Variants in GALM observed in about 807,000 individuals in gnomAD.
GALM encodes the protein galactose mutarotase.
A neutral mutation model predicts 37.4 loss-of-function variants in GALM; 43 were observed. That is an observed-to-expected ratio of 1.15 (90% CI 0.90 to 1.48). The LOEUF (loss-of-function observed/expected upper bound fraction) is 1.48, where lower values mean the gene tolerates loss of function less well. Among genes scored for constraint, GALM ranks in the 40% most tolerant of loss-of-function variants. GALM has a pLI of 0.00. For missense variants in GALM, 456 were observed against 419.1 expected (o/e 1.09, Z -0.77); for synonymous variants, 199 against 170.6 (o/e 1.17, Z -1.30).
At chr2:38,723,858 C>T (rs1267247000) in intron 4 of GALM, among the ~76,000 whole-genome samples, 1 of 152,120 alleles carries the variant, frequency 6.6e-6, no homozygotes, top group Non-Finnish European at 1.5e-5. Flanking sequence ...CCAACCTTCT[C>T]TTTGTTTTCC....
chr2:38,710,935 G>T (rs1290157128), intron 4 of GALM, among the ~76,000 whole-genome samples: 2 of 151,110 alleles, frequency 1.3e-5, no homozygotes, highest in African/African-American at 4.9e-5. Flanking sequence ...TGTATTTTTA[G>T]TAGAGACGGG....
chr2:38,676,207 G>C, intron 2 of GALM, 141 bp downstream of exon 2: 4 of 759,680 alleles, frequency 5.3e-6, no homozygotes, highest in Non-Finnish European at 8.7e-6. Flanking sequence ...AGGGCAGCAG[G>C]TGCAATGGGC....
chr2:38,677,130 G>T (rs916986876), intron 2 of GALM, among the ~76,000 whole-genome samples: 7 of 152,228 alleles, frequency 4.6e-5, no homozygotes, highest in Non-Finnish European at 1.0e-4. Context: ...TTGGCCTCCT[G>T]CTTCCTAGCC....
intron 3 of GALM, among the ~76,000 whole-genome samples, chr2:38,687,494 G>C (rs1353576599): frequency 6.6e-6 from 1 of 152,120 alleles, no homozygotes; most frequent in Non-Finnish European, 1.5e-5. Flanking sequence ...CAGATTACTT[G>C]AGGTCTGGAG....
intron 5 of GALM, 121 bp downstream of exon 5, chr2:38,729,818 C>T (rs759639828): frequency 2.6e-6 from 2 of 759,538 alleles, no homozygotes; most frequent in East Asian, 2.8e-5. Context: ...GACCCAATAC[C>T]ACATCCCATA....
At chr2:38,713,145 C>T (rs745457407) in intron 4 of GALM, among the ~76,000 whole-genome samples, 11 of 152,124 alleles carry the variant, frequency 7.2e-5, no homozygotes, top group Non-Finnish European at 1.3e-4. Flanking sequence ...AGCATGGGCT[C>T]CCTAATCACA....
At chr2:38,690,463 G>T (rs1191370814) in intron 4 of GALM, among the ~76,000 whole-genome samples, 1 of 152,018 alleles carries the variant, frequency 6.6e-6, no homozygotes, top group East Asian at 1.9e-4. Flanking sequence ...AGGGGATAGG[G>T]TCTCATTCTG....
intron 1 of GALM, chr2:38,668,476 A>G (rs2148422054): frequency 6.6e-6 from 1 of 152,346 alleles, no homozygotes; most frequent in East Asian, 1.9e-4. Flanking sequence ...CTAGTGCATT[A>G]AAACCTATGT....
At chr2:38,708,742 A>G (rs1418856724) in intron 4 of GALM, among the ~76,000 whole-genome samples, 1 of 152,004 alleles carries the variant, frequency 6.6e-6, no homozygotes, top group Non-Finnish European at 1.5e-5. Flanking sequence ...AAAAAAAAAA[A>G]AAAAAAAGAA....
chr2:38,686,352 G>A (rs554603154), intron 3 of GALM, among the ~76,000 whole-genome samples: 5 of 151,272 alleles, frequency 3.3e-5, no homozygotes, highest in African/African-American at 7.3e-5. Flanking sequence ...TGCAACCTCC[G>A]CCTCCCGGGT....
At chr2:38,718,229 T>G (rs1268080155) in intron 4 of GALM, among the ~76,000 whole-genome samples, 1 of 148,106 alleles carries the variant, frequency 6.8e-6, no homozygotes, top group African/African-American at 2.5e-5. Context: ...AGATGGAATC[T>G]CCCTCTCTCG....
chr2:38,730,897 G>A (rs1156229117), intron 5 of GALM, among the ~76,000 whole-genome samples: 1 of 148,196 alleles, frequency 6.7e-6, no homozygotes, highest in Non-Finnish European at 1.5e-5. Context: ...CTCCAGGCTA[G>A]GCAACAGAGC....
chr2:38,726,216 A>T (rs1317130694), intron 4 of GALM, among the ~76,000 whole-genome samples: 2 of 128,794 alleles, frequency 1.6e-5, no homozygotes, highest in African/African-American at 6.7e-5. Flanking sequence ...AAGTGCCTTT[A>T]TTTTTTTTTT....
At chr2:38,690,414 T>C (rs999530715) in intron 4 of GALM, among the ~76,000 whole-genome samples, 4 of 152,088 alleles carry the variant, frequency 2.6e-5, no homozygotes, top group African/African-American at 9.7e-5. Context: ...GTAACAGCTT[T>C]TGTTTTAGCT....
chr2:38,667,787 A>G (rs1259772255), intron 1 of GALM, among the ~76,000 whole-genome samples: 9 of 152,122 alleles, frequency 5.9e-5, no homozygotes, highest in African/African-American at 2.2e-4. Flanking sequence ...CAGTGAGCCG[A>G]GATTGCGCCA....
intron 4 of GALM, among the ~76,000 whole-genome samples, chr2:38,693,926 C>T (rs1020420428): frequency 6.6e-6 from 1 of 152,182 alleles, no homozygotes; most frequent in African/African-American, 2.4e-5. Flanking sequence ...GTGGCTCACA[C>T]CTTTAATCCC....
chr2:38,712,755 C>CTCTATAA (rs1666196425), intron 4 of GALM, among the ~76,000 whole-genome samples: 1 of 152,172 alleles, frequency 6.6e-6, no homozygotes, highest in African/African-American at 2.4e-5. Flanking sequence ...AGGAGGAGCG[C>CTCTATAA]AGGACAGCAA....
chr2:38,729,879 T>G (rs1047892502), intron 5 of GALM, among the ~76,000 whole-genome samples, 182 bp downstream of exon 5: 1 of 151,992 alleles, frequency 6.6e-6, no homozygotes, highest in Non-Finnish European at 1.5e-5. Context: ...TTTATCCCAG[T>G]CCCCCACCTG....
At chr2:38,688,395 C>T (rs887727370) in intron 3 of GALM, among the ~76,000 whole-genome samples, 13 of 151,954 alleles carry the variant, frequency 8.6e-5, no homozygotes, top group African/African-American at 1.5e-4. Flanking sequence ...CCTGTAATCC[C>T]AGCTACTAGG....
Sources: gnomAD v4.1 joint callset for allele counts (sites outside exome capture counted in the v4.1 genomes callset) on GRCh38, gnomAD v4.1.1 for gene constraint, MANE v1.5 for transcripts, NCBI Gene and HGNC (gene_info 2026-07-23, HGNC 2026-07-21) for gene names.